KIAA1549L: variants seen among roughly 807,000 people sequenced by gnomAD.
The protein encoded by KIAA1549L is KIAA1549 like.
In KIAA1549L, 88 loss-of-function variants were observed where a neutral mutation model predicts 160.7. The ratio of observed to expected loss-of-function variants is 0.55; its 90% CI spans 0.46 to 0.65. The LOEUF is 0.65. Among genes scored for constraint, KIAA1549L ranks in the 30% least tolerant of loss-of-function variants. KIAA1549L has a pLI of 0.00. For missense variants in KIAA1549L, 2,258 were observed against 2,437.5 expected, an observed-to-expected ratio of 0.93 and a Z score of 1.55; for synonymous variants, 950 against 976.7, an observed-to-expected ratio of 0.97 and a Z score of 0.51.
chr11:33,471,157 A>C, intron 1 of KIAA1549L, among the ~76,000 whole-genome samples: 1 of 151,490 alleles, frequency 6.6e-6, no homozygotes, highest in East Asian at 1.9e-4. Flanking sequence ...TTTGAACACC[A>C]CTACCATTAC....
At chr11:33,624,210 T>A (rs1000993761) in intron 16 of KIAA1549L, among the ~76,000 whole-genome samples, 5 of 152,242 alleles carry the variant, frequency 3.3e-5, no homozygotes, top group Admixed American at 2.6e-4. Flanking sequence ...TACTCTAGAA[T>A]GGACCAGTCA....
chr11:33,574,374 A>T (rs1448145352), intron 9 of KIAA1549L, among the ~76,000 whole-genome samples: 1 of 152,250 alleles, frequency 6.6e-6, no homozygotes, highest in Non-Finnish European at 1.5e-5. Flanking sequence ...ATAACCTAAC[A>T]TGCCCTGAAT....
intron 1 of KIAA1549L, among the ~76,000 whole-genome samples, chr11:33,378,127 G>A (rs1849994419): frequency 6.6e-6 from 1 of 152,140 alleles, no homozygotes; most frequent in African/African-American, 2.4e-5. Flanking sequence ...TAAAAGATAA[G>A]GCCTGAGAAA....
chr11:33,550,346 TA>T (rs11398265), intron 4 of KIAA1549L, among the ~76,000 whole-genome samples: 70 of 147,186 alleles, frequency 4.8e-4, no homozygotes, highest in South Asian at 6.5e-4. Flanking sequence ...CAAAACAAAT[TA>T]AAAAAAAACC....
intron 10 of KIAA1549L, among the ~76,000 whole-genome samples, chr11:33,580,587 A>AAAAAAAAAAAAAAAAAG (rs1554994225): frequency 2.4e-5 from 3 of 127,532 alleles, no homozygotes; most frequent in African/African-American, 7.8e-5. Context: ...AAAAAAAAAA[A>AAAAAAAAAAAAAAAAAG]AAAAGAAAAG....
rs566450765 is a variant in KIAA1549L, at chr11:33,588,243, A to G, written c.4567-2994A>G. On this transcript the variant is annotated intron_variant, in intron 11 of 20. Transcript: ENST00000658780. Reference sequence around the variant, plus strand: ...GGTGAGGAACCAGTTATTTAACTTTATATGTTCAGCACCAAGGACAGTCCC... The same window carrying G: ...GGTGAGGAACCAGTTATTTAACTTTGTATGTTCAGCACCAAGGACAGTCCC... 5.3e-5 allele frequency among the ~76,000 whole-genome samples: 8 copies of G among 152,302 alleles called. 1 individual carries two copies. In the South Asian group the frequency reaches 1.7e-3, roughly 32 times the overall value.
chr11:33,647,241 C>T (rs1047161287), intron 17 of KIAA1549L, among the ~76,000 whole-genome samples: 25 of 151,892 alleles, frequency 1.6e-4, no homozygotes, highest in African/African-American at 5.8e-4. Flanking sequence ...CCAGGTGTGG[C>T]GGCATGCGCC....
intron 1 of KIAA1549L, among the ~76,000 whole-genome samples, chr11:33,473,292 A>C (rs1218587379): frequency 2.6e-5 from 4 of 152,156 alleles, no homozygotes; most frequent in Non-Finnish European, 5.9e-5. Flanking sequence ...GCAAGTGGAA[A>C]TTTTAATGTA....
At chr11:33,404,254 G>C (rs996397875) in intron 1 of KIAA1549L, among the ~76,000 whole-genome samples, 1 of 152,220 alleles carries the variant, frequency 6.6e-6, no homozygotes, top group African/African-American at 2.4e-5. Context: ...GCCAGGCACA[G>C]TGGCTCATGT....
At chr11:33,418,500 G>A (rs998998176) in intron 1 of KIAA1549L, among the ~76,000 whole-genome samples, 5 of 152,168 alleles carry the variant, frequency 3.3e-5, no homozygotes, top group African/African-American at 4.8e-5. Context: ...TGTGAAGCAG[G>A]TTCACTGCAC....
At chr11:33,530,597 GAGA>G (rs1232767432) in intron 1 of KIAA1549L, among the ~76,000 whole-genome samples, 2 of 151,180 alleles carry the variant, frequency 1.3e-5, no homozygotes, top group African/African-American at 4.9e-5. Flanking sequence ...AAGATGCCGG[GAGA>G]AGAAGAGAGA....
chr11:33,646,736 C>T (rs1270950813), intron 17 of KIAA1549L, among the ~76,000 whole-genome samples: 1 of 152,176 alleles, frequency 6.6e-6, no homozygotes, highest in Non-Finnish European at 1.5e-5. Flanking sequence ...TGGTACCACA[C>T]TCGTCATTGA....
chr11:33,494,443 T>G (rs931816044), intron 1 of KIAA1549L, among the ~76,000 whole-genome samples: 2 of 152,220 alleles, frequency 1.3e-5, no homozygotes, highest in Non-Finnish European at 2.9e-5. Flanking sequence ...AAGGACTGTC[T>G]AAGTACCAAC....
At chr11:33,553,442 A>G (rs1406685622) in intron 6 of KIAA1549L, among the ~76,000 whole-genome samples, 2 of 152,164 alleles carry the variant, frequency 1.3e-5, no homozygotes, top group South Asian at 2.1e-4. Flanking sequence ...AGCCTTTGTA[A>G]TTAGACCCAG....
At chr11:33,464,524 G>C (rs1852008167) in intron 1 of KIAA1549L, among the ~76,000 whole-genome samples, 1 of 146,436 alleles carries the variant, frequency 6.8e-6, no homozygotes, top group Admixed American at 6.8e-5. Flanking sequence ...GTGCGCGCAT[G>C]CCCCCCCCCA....
chr11:33,478,770 C>T (rs761718474), intron 1 of KIAA1549L, among the ~76,000 whole-genome samples: 9 of 152,142 alleles, frequency 5.9e-5, no homozygotes, highest in Non-Finnish European at 1.0e-4. Flanking sequence ...CGGAGTCTTG[C>T]TCTGTGGCCA....
chr11:33,437,400 G>C (rs1851402400), intron 1 of KIAA1549L, among the ~76,000 whole-genome samples: 1 of 152,210 alleles, frequency 6.6e-6, no homozygotes, highest in South Asian at 2.1e-4. Flanking sequence ...CTATCACTGA[G>C]AGGCAGCTCT....
rs1193823534 is a variant in KIAA1549L, at chr11:33,645,996, C to T, written c.5720C>T (p.Thr1907Ile). ...AGGGCCGGGGTGCAGTGGGTGCCGACCTACCGCCCAGAAATGTATCAGTAC... is the reference window on the plus strand; with the variant it reads ...AGGGCCGGGGTGCAGTGGGTGCCGATCTACCGCCCAGAAATGTATCAGTAC... The part of the protein sequence containing the change: ...RPRAGVQWVP[T>I]YRPEMYQYSL... The change falls in exon 17 of 21, where the codon ACC (threonine) becomes ATC (isoleucine). Residue 1907 changes from threonine to isoleucine, a missense_variant. Transcript: ENST00000658780. 1 of 1,605,700 alleles carries T rather than the reference C, an allele frequency of 6.2e-7. No individual in the cohort carries two copies. The highest frequency in any genetic ancestry group is 8.5e-7 in the Non-Finnish European group (1 of 1,176,248).
rs995203411 is a variant in KIAA1549L at position 33,440,916 on chromosome 11, CT to C, written c.238+64037del. 9.0e-3 allele frequency among the ~76,000 whole-genome samples: 1,332 copies of C among 148,494 alleles called. 19 individuals are homozygous for C. The highest frequency in any genetic ancestry group is 0.03 in the African/African-American group (1,219 of 40,568). On this transcript the variant is annotated intron_variant, in intron 1 of 20. Coordinates refer to ENST00000658780, the MANE Select transcript of KIAA1549L (RefSeq NM_012194.3). Reference sequence around the variant, plus strand: ...ATTATTCTAGGTTGACAGTTCTTTTCTTTTTTTTTTATTATTATTATACTTT... The same window carrying C: ...ATTATTCTAGGTTGACAGTTCTTTTCTTTTTTTTTATTATTATTATACTTT...
Sources: gnomAD v4.1 joint callset for allele counts (sites outside exome capture counted in the v4.1 genomes callset) on GRCh38, gnomAD v4.1.1 for gene constraint, MANE v1.5 for transcripts, NCBI Gene and HGNC (gene_info 2026-07-23, HGNC 2026-07-21) for gene names.